The following PKN3 variants were observed in gnomAD, a reference collection of about 807,000 sequenced individuals.
PKN3 encodes the protein protein kinase N3.
In PKN3, 91 loss-of-function variants were observed where a neutral mutation model predicts 113.1. The ratio of observed to expected loss-of-function variants is 0.80; its 90% CI spans 0.68 to 0.96. PKN3 has a LOEUF of 0.96. Among genes scored for constraint, PKN3 ranks in the 40% least tolerant of loss-of-function variants. The probability of loss-of-function intolerance (pLI) is 0.00; values close to 1 mark genes in which losing one functional copy is unlikely to be tolerated. For synonymous variants in PKN3, 467 were observed against 499.0 expected, an observed-to-expected ratio of 0.94 and a Z score of 0.85; for missense variants, 1,052 against 1,202.2, an observed-to-expected ratio of 0.88 and a Z score of 1.85.
Position 128,713,405 on chromosome 9 carries a change from G to A in PKN3, c.1092+18G>A. 6.2e-7 allele frequency: 1 copy of A among 1,613,164 alleles called. No individual in the cohort carries two copies. The highest frequency in any genetic ancestry group is 8.5e-7 in the Non-Finnish European group (1 of 1,179,444). ...TGGAGCGAGTAAGGCTGGCCTTTGT[G>A]TGGTCAGGGGTGACCTTGGGCTGCG... is the stretch of plus-strand genomic sequence containing the variant. On this transcript the variant is annotated intron_variant, in intron 8 of 21. Coordinates refer to ENST00000291906, the MANE Select transcript of PKN3 (RefSeq NM_013355.5).
chr9:128,715,411 A>G lies in PKN3; in HGVS notation c.1759A>G (p.Ile587Val). The change falls in exon 15 of 22, where the codon ATC becomes GTC. Residue 587 changes from isoleucine (I) to valine (V), a missense_variant. Around this residue, in one of 2 missense-constraint regions of PKN3, gnomAD observed 333 missense variants for 442.8 expected, o/e 0.75. Transcript: ENST00000291906. The surrounding 1 kb of genome is among the most constrained non-coding windows in gnomAD (Gnocchi z 4.1). Reference protein sequence around the residue: ...QFKGTGKYYAIKALKKQEVLS... With the variant: ...QFKGTGKYYAVKALKKQEVLS... Reference sequence around the variant, plus strand: ...CAAGGGGACAGGGAAATACTACGCCATCAAAGCACTGAAGAAGCAGGAGGT... The same window carrying G: ...CAAGGGGACAGGGAAATACTACGCCGTCAAAGCACTGAAGAAGCAGGAGGT... 5 of 1,614,024 alleles carry G rather than the reference A, an allele frequency of 3.1e-6. No individual in the cohort carries two copies. The highest frequency in any genetic ancestry group is 4.2e-6 in the Non-Finnish European group (5 of 1,180,004).
chr9:128,702,874 G>A lies in PKN3; in HGVS notation c.-42G>A, dbSNP rs1225396678. The A allele has an allele frequency of 5.6e-6, 8 of 1,433,618 alleles. No individual in the cohort carries two copies. The highest frequency in any genetic ancestry group is 2.9e-5 in the East Asian group (1 of 34,208). The allele number at this position is 1,433,618 out of a possible 1,614,324, so 88.8% of individuals were successfully genotyped here. The stretch of plus-strand genomic sequence containing the variant: ...CGGAGGGTCTGCGGCTTCCGGGACC[G>A]GAGTGGCTGAGAGAAGGGCCCCAAG... On this transcript the variant is annotated 5_prime_UTR_variant, in exon 1 of 22. Coordinates refer to ENST00000291906, the MANE Select transcript of PKN3 (RefSeq NM_013355.5).
intron 16 of PKN3, among the ~76,000 whole-genome samples, chr9:128,717,720 TAA>T (rs568178531): frequency 5.2e-4 from 52 of 99,214 alleles, no homozygotes; most frequent in Admixed American, 7.7e-4. Flanking sequence ...AGACTCCATC[TAA>T]AAAAAAAAAA....
chr9:128,706,665 A>G (rs549706609), intron 3 of PKN3, 48 bp from the exon 4 acceptor site: 1 of 1,352,800 alleles, frequency 7.4e-7, no homozygotes, highest in South Asian at 1.5e-5. Context: ...TGATGGGGGA[A>G]GCTGTGGCCC....
chr9:128,716,700 C>CCAGGGAAAG (rs1422655598), intron 15 of PKN3, 47 bp from the exon 16 acceptor site: 1 of 1,527,940 alleles, frequency 6.5e-7, no homozygotes, highest in Non-Finnish European at 9.0e-7. Flanking sequence ...AGGGCACAGC[C>CCAGGGAAAG]CAGGGAAAGT....
intron 6 of PKN3, among the ~76,000 whole-genome samples, chr9:128,711,693 G>C (rs1260069542): frequency 6.6e-6 from 1 of 151,662 alleles, no homozygotes; most frequent in Admixed American, 6.6e-5. Context: ...CCGCCTCCCA[G>C]GTTCAAGCGA....
Position 128,714,798 on chromosome 9 carries a change from C to G in PKN3, c.1585C>G (p.Arg529Gly), listed in dbSNP as rs766441382. 2.5e-6 allele frequency: 4 copies of G among 1,613,458 alleles called. No individual in the cohort carries two copies. Among genetic ancestry groups the G allele is most frequent in the African/African-American group, 1.3e-5 (1 of 74,884 alleles). The change falls in exon 13 of 22, where the codon CGC becomes GGC. Residue 529 changes from arginine (R) to glycine (G), a missense_variant and splice_region_variant. Arg to Gly is a moderately radical substitution (Grantham distance 125). Transcript: ENST00000291906. ...GCCCTGAGCTCCTCTATACTCACAG[C>G]GCACCAAACGTCCCCATATGGAGCC... ...PQEPTSEETP[R>G]TKRPHMEPRT...
chr9:128,703,973 C>A (rs1267753475), intron 1 of PKN3: 1 of 985,354 alleles, frequency 1.0e-6, no homozygotes, highest in African/African-American at 1.7e-5. Flanking sequence ...TTGGCTCTGG[C>A]CCTGTGGCCT....
chr9:128,707,566 T>C (rs1862058090), intron 6 of PKN3, among the ~76,000 whole-genome samples, 161 bp downstream of exon 6: 1 of 152,258 alleles, frequency 6.6e-6, no homozygotes, highest in Non-Finnish European at 1.5e-5. Flanking sequence ...AACCTCAGTT[T>C]ATCCATCTGT....
rs1043826382 is a variant in PKN3 at position 128,707,311 on chromosome 9, C to A, written c.741C>A (p.His247Gln). 2 of 1,613,888 alleles carry A rather than the reference C, an allele frequency of 1.2e-6. No individual in the cohort carries two copies. Among genetic ancestry groups the A allele is most frequent in the Admixed American group, 1.7e-5 (1 of 60,006 alleles). Residue 247 changes from histidine (H) to glutamine (Q), a missense_variant, in exon 6 of 22, where the codon CAC becomes CAA. Physicochemically the swap from His to Gln is conservative, Grantham distance 24. Transcript: ENST00000291906. The stretch of plus-strand genomic sequence containing the variant: ...TGCTGGAGCAACTGCCTCCTGCCCA[C>A]CCTTTGCGCAGCAGAGTGACCCGAG... ...EQLLEQLPPA[H>Q]PLRSRVTREL...
chr9:128,720,590 G>T lies in PKN3; in HGVS notation c.2654G>T (p.Arg885Leu), dbSNP rs574891762. The change falls in exon 22 of 22, where the codon CGA becomes CTA. Residue 885 changes from arginine to leucine, a missense_variant. Transcript: ENST00000291906. The surrounding 1 kb of genome is among the most constrained non-coding windows in gnomAD (Gnocchi z 5.5). ...AFRDFDFVSE[R>L]FLEP ...CGGGACTTCGACTTTGTGTCAGAGC[G>T]ATTCCTGGAACCCTGAGGGCATCTC... 6.2e-7 allele frequency: 1 copy of T among 1,613,128 alleles called. No individual in the cohort carries two copies. Among genetic ancestry groups the T allele is most frequent in the Admixed American group, 1.7e-5 (1 of 60,014 alleles).
intron 12 of PKN3, 32 bp from the exon 13 acceptor site, chr9:128,714,766 C>T (rs772979845): frequency 5.6e-6 from 9 of 1,605,074 alleles, no homozygotes; most frequent in Admixed American, 1.7e-5. Context: ...GAAGGAAGCC[C>T]AGCCCTGCCC....
At chr9:128,712,116 G>A (rs1589484189) in intron 6 of PKN3, among the ~76,000 whole-genome samples, 1 of 152,252 alleles carries the variant, frequency 6.6e-6, no homozygotes, top group Non-Finnish European at 1.5e-5. Context: ...CGCCATGTTG[G>A]TCAGGCTGGG....
chr9:128,719,920 CA>C lies in PKN3; in HGVS notation c.2280del (p.Asp762ThrfsTer98). The C allele has an allele frequency of 6.2e-7, 1 of 1,614,074 alleles. No individual in the cohort carries two copies. Among genetic ancestry groups the C allele is most frequent in the South Asian group, 1.1e-5 (1 of 91,090 alleles). ...CCCCCATCTCCACAGTGCCCGTTCC[CA>C]GGGGACACAGAGGAAGAGGTGTTTG... Reference protein sequence around the residue: ...YEMLVGECPFPGDTEEEVFDC... With the variant: ...YEMLVGECPFXGDTEEEVFDC... On this transcript the variant is annotated frameshift_variant, in exon 20 of 22. Coordinates refer to ENST00000291906, the MANE Select transcript of PKN3 (RefSeq NM_013355.5). LOFTEE classifies it high-confidence loss of function.
chr9:128,713,522 A>C lies in PKN3; in HGVS notation c.1116A>C (p.Val372=), dbSNP rs759752329. The C allele has an allele frequency of 1.2e-6, 2 of 1,614,032 alleles. No individual in the cohort carries two copies. Among genetic ancestry groups the C allele is most frequent in the South Asian group, 2.2e-5 (2 of 91,084 alleles). ...LERARELEIG[V]HWRDWRQLCG... The stretch of plus-strand genomic sequence containing the variant: ...AGGCCCGTGAGCTGGAGATTGGGGT[A>C]CACTGGCGGGACTGGCGGCAGCTAT... The change falls in exon 9 of 22, where the codon GTA becomes GTC. Residue 372 remains valine (V), a synonymous_variant. Coordinates refer to ENST00000291906, the MANE Select transcript of PKN3 (RefSeq NM_013355.5).
intron 1 of PKN3, among the ~76,000 whole-genome samples, chr9:128,704,857 G>A (rs2132281257): frequency 6.6e-6 from 1 of 151,772 alleles, no homozygotes; most frequent in South Asian, 2.1e-4. Flanking sequence ...GGCAGAGGTT[G>A]TGGTGAACCG....
intron 6 of PKN3, among the ~76,000 whole-genome samples, chr9:128,711,826 C>T (rs1322525700): frequency 3.4e-5 from 5 of 149,158 alleles, no homozygotes; most frequent in Non-Finnish European, 5.9e-5. Flanking sequence ...CTCGAACTCC[C>T]GACCTCAGGT....
Position 128,707,271 on chromosome 9 carries a change from T to C in PKN3, c.701T>C (p.Leu234Pro), listed in dbSNP as rs763127314. The change falls in exon 6 of 22, where the codon CTG (leucine) becomes CCG (proline). Residue 234 changes from leucine (L) to proline (P), a missense_variant. Leu to Pro is a moderately conservative substitution (Grantham distance 98). This residue lies in a region of PKN3 where 719 missense variants were observed against 759.4 expected (regional missense o/e 0.95). Transcript: ENST00000291906. ...TCTCAGAAACTGGACCTCCTGCGCC[T>C]GGCCTTGGAGCAGCTGCTGGAGCAA... Reference protein sequence around the residue: ...ESSQKLDLLRLALEQLLEQLP... With the variant: ...ESSQKLDLLRPALEQLLEQLP... 1.9e-6 allele frequency: 3 copies of C among 1,613,104 alleles called. No homozygotes were observed. In the Admixed American group the frequency reaches 5.0e-5, roughly 27 times the overall value.
chr9:128,715,254 T>G lies in PKN3; in HGVS notation c.1716+19T>G, dbSNP rs1247235296. ...TGGGAAGGTAGTGGGCTGAAGAGGG[T>G]GGTATGGGACGGGATTGGGGGCCTC... On this transcript the variant is annotated intron_variant, in intron 14 of 21. Transcript: ENST00000291906. The surrounding 1 kb of genome is among the most constrained non-coding windows in gnomAD (Gnocchi z 4.1). 86 of 1,612,906 alleles carry G rather than the reference T, an allele frequency of 5.3e-5. No homozygotes were observed. The highest frequency in any genetic ancestry group is 6.9e-5 in the Non-Finnish European group (81 of 1,179,468).
Sources: allele counts gnomAD v4.1 joint callset (sites outside exome capture counted in the v4.1 genomes callset), GRCh38; gene constraint gnomAD v4.1.1; regional missense constraint gnomAD v4.1.1; non-coding constraint Gnocchi (gnomAD v3.1); transcripts MANE v1.5; gene names NCBI Gene and HGNC (gene_info 2026-07-23, HGNC 2026-07-21).